RO60: variants seen among roughly 807,000 people sequenced by gnomAD.
The protein encoded by RO60 is RNA-binding protein RO60.
In RO60, 20 loss-of-function variants were observed where a neutral mutation model predicts 55.3. The observed-to-expected ratio is 0.36, with a 90% CI of 0.25 to 0.53. RO60 has a LOEUF of 0.53. RO60 is among the 20% of genes least tolerant of loss of function. The pLI, the probability that RO60 is intolerant of heterozygous loss-of-function variation, is 0.92. For synonymous variants in RO60, 213 were observed against 213.6 expected (o/e 1.00, Z 0.02); for missense variants, 558 against 646.6 (o/e 0.86, Z 1.49).
At chr1:193,084,119 T>C (rs1336245333) in intron 8 of RO60, among the ~76,000 whole-genome samples, 4 of 152,242 alleles carry the variant, frequency 2.6e-5, no homozygotes, top group African/African-American at 9.6e-5. Flanking sequence ...TAATCTTACA[T>C]TTAGCTGTAG....
chr1:193,065,453 A>G (rs529037451), intron 1 of RO60, among the ~76,000 whole-genome samples: 1 of 152,348 alleles, frequency 6.6e-6, no homozygotes, highest in East Asian at 1.9e-4. Flanking sequence ...AGTGTTACTC[A>G]TCTAACAAAT....
chr1:193,068,830 T>C (rs896196740), intron 1 of RO60, among the ~76,000 whole-genome samples: 3 of 152,248 alleles, frequency 2.0e-5, no homozygotes, highest in East Asian at 3.8e-4. Context: ...TATTCAGATA[T>C]GGTTTTTTTC....
In RO60 at chr1:193,075,983, A is replaced by G; in HGVS notation, c.744A>G (p.Ile248Met). ...TRDELEVIHLIEEHRLVREHL... is the reference protein window; with the variant it reads ...TRDELEVIHLMEEHRLVREHL... ...ATGAGCTAGAAGTCATTCATCTAAT[A>G]GAAGAACATAGATTAGTTAGAGAAC... The change falls in exon 3 of 9, where the codon ATA becomes ATG. Residue 248 changes from isoleucine to methionine, a missense_variant. Transcript: ENST00000400968. The G allele has an allele frequency of 6.2e-7, 1 of 1,613,022 alleles. No homozygotes were observed. Among genetic ancestry groups the G allele is most frequent in the Non-Finnish European group, 8.5e-7 (1 of 1,179,510 alleles).
chr1:193,089,623 T>C lies in RO60; in HGVS notation c.*4892T>C, dbSNP rs1674772534. The C allele has an allele frequency of 6.6e-6, 1 of 152,048 alleles. No homozygotes were observed. The highest frequency in any genetic ancestry group is 2.1e-4 in the South Asian group (1 of 4,830). 9.4% of individuals were successfully genotyped at this position (152,048 alleles called of 1,614,324 possible). On this transcript the variant is annotated 3_prime_UTR_variant, in exon 9 of 9. Transcript: ENST00000400968. The stretch of plus-strand genomic sequence containing the variant: ...GGAAAGAAAAAACTAGTGGAGAACA[T>C]CTTAGAAAATTCTATTGTGGAAATT...
chr1:193,070,174 G>A (rs1219298723), intron 2 of RO60, among the ~76,000 whole-genome samples: 4 of 149,230 alleles, frequency 2.7e-5, no homozygotes, highest in Non-Finnish European at 5.9e-5. Flanking sequence ...GTTGCAATAA[G>A]CAAATCAGCT....
chr1:193,085,041 G>C lies in RO60; in HGVS notation c.*310G>C. On this transcript the variant is annotated 3_prime_UTR_variant, in exon 9 of 9. Transcript: ENST00000400968. ...AATAATACGTGTGTACCTAAAAGAGGTAAGAGCAAAAAGTGTAATTCCACA... is the reference window on the plus strand; with the variant it reads ...AATAATACGTGTGTACCTAAAAGAGCTAAGAGCAAAAAGTGTAATTCCACA... The C allele has an allele frequency of 1.3e-6, 2 of 1,524,568 alleles. No homozygotes were observed. The highest frequency in any genetic ancestry group is 1.2e-5 in the South Asian group (1 of 80,884). 94.4% of individuals were successfully genotyped at this position (1,524,568 alleles called of 1,614,324 possible). A position where few individuals can be genotyped will look rare whatever the true frequency, so the allele number is the denominator to read the frequency against.
rs1033246885 is a variant in RO60 at position 193,076,108 on chromosome 1, A to C, written c.801+68A>C. On this transcript the variant is annotated intron_variant, in intron 3 of 8. Coordinates refer to ENST00000400968, the MANE Select transcript of RO60 (RefSeq NM_001173524.2). ...ATTTAGTGTAGGTGCTAAAAGGATA[A>C]ACTTGGGGTAGCTATATATTTATAC... The C allele has an allele frequency of 6.0e-6, 6 of 992,122 alleles. No individual in the cohort carries two copies. The African/African-American group carries it at 8.3e-5, about 14-fold the overall frequency. The allele number at this position is 992,122 out of a possible 1,614,324, so 61.5% of individuals were successfully genotyped here.
rs1674591487 is a variant in RO60 at position 193,085,589 on chromosome 1, G to T, written c.*858G>T. The T allele has an allele frequency of 1.0e-6, 1 of 984,386 alleles. No homozygotes were observed. The highest frequency in any genetic ancestry group is 6.2e-5 in the Admixed American group (1 of 16,242). The allele number at this position is 984,386 out of a possible 1,614,324, so 61.0% of individuals were successfully genotyped here. The stretch of plus-strand genomic sequence containing the variant: ...GTGTAAATAATATAAAATGTTTCAA[G>T]CGCTTAACTCCCCCTCATTCACAAA... On this transcript the variant is annotated 3_prime_UTR_variant, in exon 9 of 9. Coordinates refer to ENST00000400968, the MANE Select transcript of RO60 (RefSeq NM_001173524.2).
In RO60 at chr1:193,087,538, AG is replaced by A. The variant is rs1432459701; in HGVS notation, c.*2808del. ...GAGAGTGTTAGTGAGGCAAGATGCT[AG>A]TGAATGGAATTTAGTGTTACCCTTT... On this transcript the variant is annotated 3_prime_UTR_variant, in exon 9 of 9. Coordinates refer to ENST00000400968, the MANE Select transcript of RO60 (RefSeq NM_001173524.2). The A allele has an allele frequency of 6.6e-6, 1 of 152,162 alleles. No homozygotes were observed. The highest frequency in any genetic ancestry group is 6.5e-5 in the Admixed American group (1 of 15,270). The allele number at this position is 152,162 out of a possible 1,614,324, so 9.4% of individuals were successfully genotyped here. A position where few individuals can be genotyped will look rare whatever the true frequency, so the allele number is the denominator to read the frequency against.
chr1:193,077,771 A>ATGGGGTT (rs1674028256), intron 5 of RO60, among the ~76,000 whole-genome samples: 2 of 152,198 alleles, frequency 1.3e-5, no homozygotes, highest in Non-Finnish European at 2.9e-5. Context: ...GTCACCTCCC[A>ATGGGGTT]GAAGGTCCCA....
chr1:193,061,084 C>G (rs1470261243), intron 1 of RO60, among the ~76,000 whole-genome samples: 1 of 152,192 alleles, frequency 6.6e-6, no homozygotes, highest in Non-Finnish European at 1.5e-5. Flanking sequence ...AGATGCCTTT[C>G]ATTATGTTAA....
chr1:193,070,146 C>CAA (rs112979908), intron 2 of RO60, among the ~76,000 whole-genome samples: 11 of 86,184 alleles, frequency 1.3e-4, no homozygotes, highest in East Asian at 3.2e-4. Flanking sequence ...AGTAGAAAAG[C>CAA]AAAAAAAAAA....
chr1:193,070,633 A>T (rs1010545605), intron 2 of RO60: 16 of 442,438 alleles, frequency 3.6e-5, no homozygotes, highest in Admixed American at 3.1e-4. Context: ...AGTTAAGCTG[A>T]GTTTCTGACC....
chr1:193,075,965 A>C lies in RO60; in HGVS notation c.726A>C (p.Leu242=). 1.9e-6 allele frequency: 3 copies of C among 1,613,310 alleles called. No individual in the cohort carries two copies. The highest frequency in any genetic ancestry group is 2.5e-6 in the Non-Finnish European group (3 of 1,179,562). The part of the protein sequence containing the change: ...VEKVKRTRDE[L]EVIHLIEEHR... ...AAGTGAAGCGCACAAGAGATGAGCT[A>C]GAAGTCATTCATCTAATAGAAGAAC... The change falls in exon 3 of 9, where the codon CTA becomes CTC. Residue 242 remains leucine, a synonymous_variant. Coordinates refer to ENST00000400968, the MANE Select transcript of RO60 (RefSeq NM_001173524.2).
intron 1 of RO60, among the ~76,000 whole-genome samples, chr1:193,067,125 A>G (rs1468865643): frequency 2.0e-5 from 3 of 151,622 alleles, no homozygotes; most frequent in Middle Eastern, 3.2e-3. Context: ...TTGTGATTCT[A>G]TCCCCACAAA....
At chr1:193,065,662 T>C (rs928328417) in intron 1 of RO60, among the ~76,000 whole-genome samples, 26 of 73,662 alleles carry the variant, frequency 3.5e-4, no homozygotes, top group Admixed American at 2.7e-3. Context: ...AAGGTAGAGA[T>C]AAAAGCCAAA....
At position 193,066,782 on chromosome 1, in the gene RO60, C is replaced by T. The variant is rs955964995; in HGVS notation, c.-21-2252C>T. 5.6e-4 allele frequency among the ~76,000 whole-genome samples: 85 copies of T among 152,168 alleles called. 1 individual carries two copies. The highest frequency in any genetic ancestry group is 1.8e-4 in the Non-Finnish European group (12 of 68,020). On this transcript the variant is annotated intron_variant, in intron 1 of 8. Coordinates refer to ENST00000400968, the MANE Select transcript of RO60 (RefSeq NM_001173524.2). Reference sequence around the variant, plus strand: ...CTTGTGTTCCTCTTTAAGTTATGACCGTATCTGTCAACATGTCTTTATGGC... The same window carrying T: ...CTTGTGTTCCTCTTTAAGTTATGACTGTATCTGTCAACATGTCTTTATGGC...
At chr1:193,074,167 T>C (rs184421083) in intron 2 of RO60, among the ~76,000 whole-genome samples, 2,887 of 152,260 alleles carry the variant, frequency 0.019, 67 homozygotes, top group African/African-American at 0.065. Flanking sequence ...TCCAAGTCTT[T>C]GCTATTGTGA....
chr1:193,085,165 A>G lies in RO60; in HGVS notation c.*434A>G, dbSNP rs763857407. The G allele has an allele frequency of 4.5e-5, 56 of 1,253,576 alleles. No individual in the cohort carries two copies. The highest frequency in any genetic ancestry group is 2.5e-4 in the Middle Eastern group (1 of 3,994). The allele number at this position is 1,253,576 out of a possible 1,614,324, so 77.7% of individuals were successfully genotyped here. The stretch of plus-strand genomic sequence containing the variant: ...AATACTCTGAAATGCACTAGACCAT[A>G]TAACTGTGATGAAATATGAAACTCA... On this transcript the variant is annotated 3_prime_UTR_variant, in exon 9 of 9. Coordinates refer to ENST00000400968, the MANE Select transcript of RO60 (RefSeq NM_001173524.2).
Sources: gnomAD v4.1 joint callset for allele counts (sites outside exome capture counted in the v4.1 genomes callset) on GRCh38, gnomAD v4.1.1 for gene constraint, MANE v1.5 for transcripts, NCBI Gene and HGNC (gene_info 2026-07-23, HGNC 2026-07-21) for gene names.